Variants in PTH2R observed in about 807,000 individuals in gnomAD.
The protein encoded by PTH2R is PTH2 receptor.
A neutral mutation model predicts 60.3 loss-of-function variants in PTH2R; 59 were observed. The ratio of observed to expected loss-of-function variants is 0.98; its 90% CI spans 0.79 to 1.22. The LOEUF (loss-of-function observed/expected upper bound fraction) is 1.22, where lower values mean the gene tolerates loss of function less well. Ranked by LOEUF, PTH2R falls within the 50% of genes most tolerant of loss-of-function variation. PTH2R has a pLI of 0.00. For synonymous variants in PTH2R, 256 were observed against 243.8 expected (o/e 1.05, Z -0.47); for missense variants, 749 against 682.6 (o/e 1.10, Z -1.08).
At chr2:208,489,867 T>G (rs1703363589) in intron 11 of PTH2R, among the ~76,000 whole-genome samples, 1 of 152,174 alleles carries the variant, frequency 6.6e-6, no homozygotes. Flanking sequence ...GTTCTGTTGC[T>G]TAAGTTCACC....
At position 208,458,810 on chromosome 2, in the gene PTH2R, A is replaced by G. The variant is rs367855712; in HGVS notation, c.915-1085A>G. On this transcript the variant is annotated intron_variant, in intron 8 of 12. Coordinates refer to ENST00000272847, the MANE Select transcript of PTH2R (RefSeq NM_005048.4). ...TTTTTTTGTGGTTGCATAATATTCC[A>G]TGGTATACATGTACCACGTTTTCTT... Among the ~76,000 whole-genome samples, 18 of 152,240 alleles carry G rather than the reference A, an allele frequency of 1.2e-4. No individual in the cohort carries two copies. The East Asian group carries it at 2.9e-3, about 24-fold the overall frequency.
intron 1 of PTH2R, among the ~76,000 whole-genome samples, chr2:208,426,963 T>C (rs1021279713): frequency 6.6e-6 from 1 of 152,198 alleles, no homozygotes; most frequent in African/African-American, 2.4e-5. Flanking sequence ...ACAAAATATC[T>C]TTAGAAGCTG....
chr2:208,420,748 G>T (rs1701738203), intron 1 of PTH2R, among the ~76,000 whole-genome samples: 1 of 152,182 alleles, frequency 6.6e-6, no homozygotes, highest in South Asian at 2.1e-4. Flanking sequence ...ATTACAATCA[G>T]GAAATTGACA....
chr2:208,378,120 C>T (rs1031528749), intron 1 of PTH2R, among the ~76,000 whole-genome samples: 28 of 152,116 alleles, frequency 1.8e-4, no homozygotes, highest in African/African-American at 6.3e-4. Flanking sequence ...TCTGCAATCC[C>T]GGCACCTCGG....
intron 4 of PTH2R, among the ~76,000 whole-genome samples, chr2:208,440,552 T>A (rs1346702659): frequency 6.6e-6 from 1 of 152,128 alleles, no homozygotes; most frequent in Non-Finnish European, 1.5e-5. Context: ...AAACATGAGT[T>A]GAGGATGCCA....
intron 1 of PTH2R, among the ~76,000 whole-genome samples, chr2:208,425,296 C>A (rs1701835255): frequency 1.3e-5 from 2 of 151,950 alleles, no homozygotes; most frequent in African/African-American, 4.8e-5. Context: ...AGAGACTGGA[C>A]CAAATTGAGG....
intron 10 of PTH2R, among the ~76,000 whole-genome samples, chr2:208,487,324 C>T (rs917969775): frequency 2.0e-5 from 3 of 152,106 alleles, no homozygotes; most frequent in African/African-American, 7.2e-5. Flanking sequence ...TGTACTCACT[C>T]ATACAGCTTA....
chr2:208,383,332 C>T (rs942542779), intron 1 of PTH2R, among the ~76,000 whole-genome samples: 2 of 152,096 alleles, frequency 1.3e-5, no homozygotes, highest in African/African-American at 4.8e-5. Flanking sequence ...TATCTCGTGT[C>T]TCTGCTCAAG....
intron 1 of PTH2R, among the ~76,000 whole-genome samples, chr2:208,399,216 A>G (rs1386526775): frequency 6.6e-6 from 1 of 152,136 alleles, no homozygotes; most frequent in East Asian, 1.9e-4. Context: ...TTCCTAGTAA[A>G]TACTTAGTGA....
At chr2:208,372,671 C>T (rs185807295) in intron 1 of PTH2R, among the ~76,000 whole-genome samples, 19 of 152,142 alleles carry the variant, frequency 1.2e-4, no homozygotes, top group South Asian at 2.1e-4. Context: ...AAAATGCTTA[C>T]TCTAGGCAAT....
upstream of PTH2R, among the ~76,000 whole-genome samples, chr2:208,404,274 G>A (rs149063148): frequency 3.6e-3 from 551 of 152,154 alleles, 3 homozygotes; most frequent in African/African-American, 0.013. Flanking sequence ...TTAAGAGAGA[G>A]GAAATGGCAT....
chr2:208,422,555 C>A (rs1701777594), intron 1 of PTH2R, among the ~76,000 whole-genome samples: 1 of 152,040 alleles, frequency 6.6e-6, no homozygotes, highest in Admixed American at 6.6e-5. Context: ...ATAATCATAT[C>A]TAAAACATTT....
intron 7 of PTH2R, among the ~76,000 whole-genome samples, chr2:208,446,236 G>T (rs1702285768): frequency 6.6e-6 from 1 of 151,870 alleles, no homozygotes; most frequent in Non-Finnish European, 1.5e-5. Flanking sequence ...CTTTATTTGG[G>T]CTTTATCACT....
intron 1 of PTH2R, among the ~76,000 whole-genome samples, chr2:208,366,695 T>C (rs1700600046): frequency 6.6e-6 from 1 of 152,212 alleles, no homozygotes; most frequent in Admixed American, 6.5e-5. Flanking sequence ...TCAGCTTTCT[T>C]CTTGATACCA....
intron 1 of PTH2R, among the ~76,000 whole-genome samples, chr2:208,394,822 ATTAT>A (rs1489793926): frequency 6.6e-6 from 1 of 152,174 alleles, no homozygotes; most frequent in East Asian, 1.9e-4. Flanking sequence ...AAGGAATTAA[ATTAT>A]TTAAGTAATT....
At chr2:208,394,568 CT>C (rs1278324810) in intron 1 of PTH2R, among the ~76,000 whole-genome samples, 1 of 152,214 alleles carries the variant, frequency 6.6e-6, no homozygotes, top group African/African-American at 2.4e-5. Flanking sequence ...CCTAGTCACG[CT>C]TCCCTAAGCA....
At chr2:208,470,230 C>A (rs1160580790) in intron 9 of PTH2R, among the ~76,000 whole-genome samples, 1 of 152,176 alleles carries the variant, frequency 6.6e-6, no homozygotes, top group African/African-American at 2.4e-5. Context: ...AAAGGAGGAA[C>A]TGTGGTATTT....
intron 10 of PTH2R, among the ~76,000 whole-genome samples, chr2:208,485,998 G>T (rs919560786): frequency 6.6e-6 from 1 of 152,140 alleles, no homozygotes; most frequent in African/African-American, 2.4e-5. Context: ...GTGACCACTG[G>T]TTGACAGCCA....
At chr2:208,477,359 A>G (rs1574908761) in intron 9 of PTH2R, among the ~76,000 whole-genome samples, 2 of 152,212 alleles carry the variant, frequency 1.3e-5, no homozygotes, top group African/African-American at 4.8e-5. Flanking sequence ...AACTCCAGGA[A>G]CCAAGTCTCA....
Sources: gnomAD v4.1 joint callset for allele counts (sites outside exome capture counted in the v4.1 genomes callset) on GRCh38, gnomAD v4.1.1 for gene constraint, MANE v1.5 for transcripts, NCBI Gene and HGNC (gene_info 2026-07-23, HGNC 2026-07-21) for gene names.